MAPK11: variants seen among roughly 807,000 people sequenced by gnomAD.
MAPK11 encodes the protein MAP kinase 11.
MAPK11 carries 44 observed loss-of-function variants against 52.2 expected under a neutral mutation model. The ratio of observed to expected loss-of-function variants is 0.84; its 90% confidence interval spans 0.66 to 1.08. The LOEUF (loss-of-function observed/expected upper bound fraction) is 1.08, where lower values mean the gene tolerates loss of function less well. Ranked by LOEUF, MAPK11 falls within the 50% of genes least tolerant of loss-of-function variation. The pLI, the probability that MAPK11 is intolerant of heterozygous loss-of-function variation, is 0.00. For missense variants in MAPK11, 436 were observed against 494.7 expected (o/e 0.88, Z 1.13); for synonymous variants, 233 against 206.3 (o/e 1.13, Z -1.11).
intron 1 of MAPK11, among the ~76,000 whole-genome samples, chr22:50,268,961 G>A (rs561438174): frequency 3.3e-5 from 5 of 152,302 alleles, no homozygotes; most frequent in African/African-American, 1.2e-4. Flanking sequence ...AATTGCATCT[G>A]TGCGGTCAGG....
rs1447632488 is a variant in MAPK11, at chr22:50,269,964, A to AC, written c.116+212dup. 7.5e-5 allele frequency among the ~76,000 whole-genome samples: 11 copies of AC among 147,582 alleles called. 1 individual carries two copies. In the East Asian group the frequency reaches 1.4e-3, roughly 19 times the overall value. ...AGTCCGAATCGGGAGAGGCCGGAGG[A>AC]CCCCCCTCCCTCCCGGTAACGGCGT... On this transcript the variant is annotated intron_variant, in intron 1 of 11. Transcript: ENST00000330651.
At position 50,266,990 on chromosome 22, in the gene MAPK11, G is replaced by C; in HGVS notation, c.554C>G (p.Thr185Arg). The change falls in exon 7 of 12, where the codon ACG becomes AGG. Residue 185 changes from threonine (T) to arginine (R), a missense_variant. Thr to Arg is a moderately conservative substitution (Grantham distance 71). Transcript: ENST00000330651. ...ADEEMTGYVA[T>R]RWYRAPEIML... Reference sequence around the variant, plus strand: ...GATCTCAGGTGCCCGGTACCAGCGCGTGGCCACATAGCCGGTCATCTCCTC... The same window carrying C: ...GATCTCAGGTGCCCGGTACCAGCGCCTGGCCACATAGCCGGTCATCTCCTC... 1.2e-6 allele frequency: 2 copies of C among 1,612,514 alleles called. No homozygotes were observed. The highest frequency in any genetic ancestry group is 1.7e-6 in the Non-Finnish European group (2 of 1,179,968).
At position 50,265,181 on chromosome 22, in the gene MAPK11, G is replaced by A. The variant is rs567089459; in HGVS notation, c.1015+140C>T. On this transcript the variant is annotated intron_variant, in intron 11 of 11. Transcript: ENST00000330651. The stretch of plus-strand genomic sequence containing the variant: ...AGAACCTGCCCTGTGTCACTCCTCC[G>A]CCCCGCTCCCAGCCTGTGCTGGACA... The A allele has an allele frequency of 4.5e-5, 58 of 1,300,508 alleles. No homozygotes were observed. In the East Asian group the frequency reaches 8.7e-4, roughly 19 times the overall value. The allele number at this position is 1,300,508 out of a possible 1,614,324, so 80.6% of individuals were successfully genotyped here. A position where few individuals can be genotyped will look rare whatever the true frequency, so the allele number is the denominator to read the frequency against.
In MAPK11 at chr22:50,266,550, C is replaced by T. The variant is rs201770383; in HGVS notation, c.672G>A (p.Pro224=). Residue 224 remains proline (P), a synonymous_variant, in exon 8 of 12, where the codon CCG becomes CCA. Transcript: ENST00000330651. ...AELLQGKALF[P]GSDYIDQLKR... ...CTGGGCCAAGGATACAGTCGCTTCC[C>T]GGGAAGAGGGCCTTGCCCTGGAGCA... 22 of 1,518,190 alleles carry T rather than the reference C, an allele frequency of 1.4e-5. No individual in the cohort carries two copies. Among genetic ancestry groups the T allele is most frequent in the Middle Eastern group, 1.8e-4 (1 of 5,596 alleles). 94.0% of individuals were successfully genotyped at this position (1,518,190 alleles called of 1,614,324 possible). A position where few individuals can be genotyped will look rare whatever the true frequency, so the allele number is the denominator to read the frequency against.
rs1468249069 is a variant in MAPK11, at chr22:50,264,685, G to C, written c.*263C>G. On this transcript the variant is annotated 3_prime_UTR_variant, in exon 12 of 12. Transcript: ENST00000330651. ...GACCCCACAGTCAGGTCCCAGTGGA[G>C]AGTGCAGTAGCCAGAAGAGGACAGG... 4.9e-6 allele frequency: 2 copies of C among 405,624 alleles called. No individual in the cohort carries two copies. The highest frequency in any genetic ancestry group is 9.0e-6 in the Non-Finnish European group (2 of 221,362). 25.1% of individuals were successfully genotyped at this position (405,624 alleles called of 1,614,324 possible).
chr22:50,270,023 GC>G lies in MAPK11; in HGVS notation c.116+153del, dbSNP rs954886504. ...AAAGTTTCTTTACGCCGCCACCCCCGCCCCCCCATTCATTCCTCAGATCCGC... is the reference window on the plus strand; with the variant it reads ...AAAGTTTCTTTACGCCGCCACCCCCGCCCCCCATTCATTCCTCAGATCCGC... On this transcript the variant is annotated intron_variant, in intron 1 of 11. Transcript: ENST00000330651. The surrounding 1 kb of genome is among the most constrained non-coding windows in gnomAD (Gnocchi z 6.3). 2.2e-5 allele frequency among the ~76,000 whole-genome samples: 3 copies of G among 137,880 alleles called. No individual in the cohort carries two copies. The highest frequency in any genetic ancestry group is 5.5e-5 in the African/African-American group (2 of 36,222). 90.5% of individuals were successfully genotyped at this position (137,880 alleles called of 152,430 possible).
Position 50,267,831 on chromosome 22 carries a change from T to C in MAPK11, c.235A>G (p.Lys79Glu), listed in dbSNP as rs1374229485. The change falls in exon 2 of 12, where the codon AAG (lysine) becomes GAG (glutamate). Residue 79 changes from lysine to glutamate, a missense_variant. Transcript: ENST00000330651. Reference sequence around the variant, plus strand: ...CTCCCCCGGCTCACGTTCTCGTGCTTCAGGTGCTTGAGCAGCCGCAGCTCC... The same window carrying C: ...CTCCCCCGGCTCACGTTCTCGTGCTCCAGGTGCTTGAGCAGCCGCAGCTCC... ...YRELRLLKHL[K>E]HENVIGLLDV... 3 of 1,564,138 alleles carry C rather than the reference T, an allele frequency of 1.9e-6. No homozygotes were observed. The African/African-American group carries it at 4.2e-5, about 22-fold the overall frequency.
At position 50,264,604 on chromosome 22, in the gene MAPK11, T is replaced by G; in HGVS notation, c.*344A>C. On this transcript the variant is annotated 3_prime_UTR_variant, in exon 12 of 12. Coordinates refer to ENST00000330651, the MANE Select transcript of MAPK11 (RefSeq NM_002751.7). The stretch of plus-strand genomic sequence containing the variant: ...AGAGAGCCCAAGGCTGACACTCCCT[T>G]GGGTCGGCCTGGGACAGACAGGGGA... 4.8e-6 allele frequency: 1 copy of G among 210,244 alleles called. No individual in the cohort carries two copies. The highest frequency in any genetic ancestry group is 9.7e-6 in the Non-Finnish European group (1 of 103,238). 13.0% of individuals were successfully genotyped at this position (210,244 alleles called of 1,614,324 possible).
At chr22:50,266,727 AC>A (rs771696591) in intron 7 of MAPK11, 116 bp from the exon 8 acceptor site, 4 of 1,073,438 alleles carry the variant, frequency 3.7e-6, no homozygotes, top group African/African-American at 3.2e-5. Context: ...GCCATACCCA[AC>A]CCCCCTAGGC....
Position 50,267,600 on chromosome 22 carries a change from G to C in MAPK11, c.274C>G (p.Pro92Ala). 6.5e-7 allele frequency: 1 copy of C among 1,544,084 alleles called. No individual in the cohort carries two copies. The highest frequency in any genetic ancestry group is 8.7e-7 in the Non-Finnish European group (1 of 1,145,248). ...NVIGLLDVFT[P>A]ATSIEDFSEV... is the part of the protein sequence containing the mutation. ...CTGAAGTCCTCGATGGACGTGGCCG[G>C]CGTGAAGACGTCCAGAAGCCCGATG... The change falls in exon 3 of 12, where the codon CCG becomes GCG. Residue 92 changes from proline (P) to alanine (A), a missense_variant. Physicochemically the swap from Pro to Ala is conservative, Grantham distance 27 (BLOSUM62 -1). Coordinates refer to ENST00000330651, the MANE Select transcript of MAPK11 (RefSeq NM_002751.7).
chr22:50,267,157 G>A lies in MAPK11; in HGVS notation c.465C>T (p.Asn155=), dbSNP rs1329960795. The change falls in exon 6 of 12, where the codon AAC becomes AAT. Residue 155 remains asparagine, a synonymous_variant. Transcript: ENST00000330651. ...GCTCACAGTCCTCGTTCACAGCCACGTTGCTGGGCTTCAGGTCCTGCAGGT... is the reference window on the plus strand; with the variant it reads ...GCTCACAGTCCTCGTTCACAGCCACATTGCTGGGCTTCAGGTCCTGCAGGT... ...GIIHRDLKPS[N]VAVNEDCELR... is the part of the protein sequence containing the mutation. The A allele has an allele frequency of 1.2e-5, 19 of 1,612,026 alleles. No individual in the cohort carries two copies. Among genetic ancestry groups the A allele is most frequent in the Non-Finnish European group, 1.3e-5 (15 of 1,179,628 alleles).
chr22:50,269,535 C>T (rs2065291446), intron 1 of MAPK11, among the ~76,000 whole-genome samples: 1 of 152,244 alleles, frequency 6.6e-6, no homozygotes, highest in African/African-American at 2.4e-5. Context: ...AACTACCTCA[C>T]CCTAAGCCCC....
rs2065296915 is a variant in MAPK11 at position 50,270,138 on chromosome 22, C to T, written c.116+39G>A. ...GGAGGGGACGCGCTCTCCGGCCCGG[C>T]CCGGCCCCCACCCAGCACCCCTTCT... is the stretch of plus-strand genomic sequence containing the variant. On this transcript the variant is annotated intron_variant, in intron 1 of 11. Transcript: ENST00000330651. The surrounding 1 kb of genome is among the most constrained non-coding windows in gnomAD (Gnocchi z 6.3). The T allele has an allele frequency of 8.8e-7, 1 of 1,137,036 alleles. No homozygotes were observed. Among genetic ancestry groups the T allele is most frequent in the Non-Finnish European group, 1.2e-6 (1 of 868,344 alleles). 70.4% of individuals were successfully genotyped at this position (1,137,036 alleles called of 1,614,324 possible).
chr22:50,269,202 A>G (rs1226548259), intron 1 of MAPK11, among the ~76,000 whole-genome samples: 1 of 152,196 alleles, frequency 6.6e-6, no homozygotes, highest in Non-Finnish European at 1.5e-5. Flanking sequence ...CTGTGCTGGC[A>G]TGATGGCTAG....
Position 50,267,009 on chromosome 22 carries a change from TCTC to T in MAPK11, c.532_534del (p.Glu178del), listed in dbSNP as rs759894762. ...CAGCGCGTGGCCACATAGCCGGTCA[TCTC>T]CTCGTCCGCCTGGCGCGCCAGCCCA... is the stretch of plus-strand genomic sequence containing the variant. On this transcript the variant is annotated inframe_deletion, in exon 7 of 12. Transcript: ENST00000330651. 4.3e-6 allele frequency: 7 copies of T among 1,612,572 alleles called. No homozygotes were observed. In the East Asian group the frequency reaches 1.6e-4, roughly 36 times the overall value.
chr22:50,264,738 G>C lies in MAPK11; in HGVS notation c.*210C>G. On this transcript the variant is annotated 3_prime_UTR_variant, in exon 12 of 12. Transcript: ENST00000330651. ...GACCAAGGTAGGCCCAGGGACACTT[G>C]TGCCCAGACTCCTACACATGGCAAG... is the stretch of plus-strand genomic sequence containing the variant. 1.9e-6 allele frequency: 1 copy of C among 533,802 alleles called. No individual in the cohort carries two copies. 33.1% of individuals were successfully genotyped at this position (533,802 alleles called of 1,614,324 possible).
intron 6 of MAPK11, 34 bp downstream of exon 6, chr22:50,267,093 C>G: frequency 1.2e-6 from 2 of 1,611,304 alleles, no homozygotes; most frequent in South Asian, 1.1e-5. Context: ...CGGGCTCCGC[C>G]GCCGCCCTGC....
In MAPK11 at chr22:50,265,311, C is replaced by T. The variant is rs745435159; in HGVS notation, c.1015+10G>A. ...CCCCTGGACCCACCCCCAGCCACTG[C>T]CATGCTCACCCTTCCACTCCTCCAG... On this transcript the variant is annotated intron_variant, in intron 11 of 11. Coordinates refer to ENST00000330651, the MANE Select transcript of MAPK11 (RefSeq NM_002751.7). 5 of 1,612,162 alleles carry T rather than the reference C, an allele frequency of 3.1e-6. No homozygotes were observed. The highest frequency in any genetic ancestry group is 4.2e-6 in the Non-Finnish European group (5 of 1,179,470).
At position 50,267,238 on chromosome 22, in the gene MAPK11, A is replaced by C; in HGVS notation, c.447+19T>G. 3.1e-6 allele frequency: 5 copies of C among 1,607,732 alleles called. No homozygotes were observed. The highest frequency in any genetic ancestry group is 4.2e-6 in the Non-Finnish European group (5 of 1,178,608). ...CGGAGCCCTGCTGGACCCGACCCTC[A>C]CCCTGCGGTCGCACCTACCCGGTGG... On this transcript the variant is annotated intron_variant, in intron 5 of 11. Transcript: ENST00000330651.
Sources: gnomAD v4.1 joint callset for allele counts (sites outside exome capture counted in the v4.1 genomes callset) on GRCh38, gnomAD v4.1.1 for gene constraint, Gnocchi (gnomAD v3.1) non-coding constraint, MANE v1.5 for transcripts, NCBI Gene and HGNC (gene_info 2026-07-23, HGNC 2026-07-21) for gene names.